COL23A1: variants seen among roughly 807,000 people sequenced by gnomAD.
The protein encoded by COL23A1 is collagen alpha-1(XXIII) chain.
COL23A1 carries 97 observed loss-of-function variants against 99.3 expected under a neutral mutation model. The observed-to-expected ratio is 0.98, with a 90% confidence interval of 0.83 to 1.16. The LOEUF is 1.16. COL23A1 is among the 50% of genes most tolerant of loss of function. The pLI is 0.00. For synonymous variants in COL23A1, 320 were observed against 308.2 expected (o/e 1.04, Z -0.40); for missense variants, 762 against 757.4 (o/e 1.01, Z -0.07).
In COL23A1 at chr5:178,384,413, G is replaced by A. The variant is rs142579510; in HGVS notation, c.362-77494C>T. ...CAGGAAAGCCCGGGGCTGTTCATCC[G>A]GGTAGTAAACCAGGCTTCGGCTTTC... On this transcript the variant is annotated intron_variant, in intron 2 of 28. Transcript: ENST00000390654. The surrounding 1 kb of genome is among the most constrained non-coding windows in gnomAD (Gnocchi z 5.5). 5.9e-3 allele frequency among the ~76,000 whole-genome samples: 899 copies of A among 152,336 alleles called. 7 individuals are homozygous for A. The highest frequency in any genetic ancestry group is 0.02 in the African/African-American group (848 of 41,570).
In COL23A1 at chr5:178,537,740, C is replaced by T. The variant is rs548445651; in HGVS notation, c.361+22942G>A. ...AAGTGGTAAAATATACACGGCATGA[C>T]GTTTACGTGGTGAAACGTGCGCGGC... On this transcript the variant is annotated intron_variant, in intron 2 of 28. Coordinates refer to ENST00000390654, the MANE Select transcript of COL23A1 (RefSeq NM_173465.4). 2.3e-3 allele frequency among the ~76,000 whole-genome samples: 350 copies of T among 152,362 alleles called. 3 individuals carry two copies. Among genetic ancestry groups the T allele is most frequent in the African/African-American group, 8.1e-3 (338 of 41,590 alleles).
chr5:178,459,447 C>G (rs1755994347), intron 2 of COL23A1, among the ~76,000 whole-genome samples: 2 of 152,126 alleles, frequency 1.3e-5, no homozygotes, highest in South Asian at 4.1e-4. Flanking sequence ...TACTTTCGTA[C>G]AGTGTTTGAA....
At chr5:178,566,933 AT>A (rs1178189617) in intron 1 of COL23A1, among the ~76,000 whole-genome samples, 4 of 152,388 alleles carry the variant, frequency 2.6e-5, no homozygotes, top group Non-Finnish European at 2.9e-5. Context: ...CAGGTTAGCA[AT>A]TTTGAAACTA....
rs553038617 is a variant in COL23A1 at position 178,305,969 on chromosome 5, C to T, written c.406+906G>A. On this transcript the variant is annotated intron_variant, in intron 3 of 28. Coordinates refer to ENST00000390654, the MANE Select transcript of COL23A1 (RefSeq NM_173465.4). The stretch of plus-strand genomic sequence containing the variant: ...AGAAAGCTGGGGGAGATGCTGGCTT[C>T]GGCAGGGCAACGTCCAACCTCGGGG... 2.6e-5 allele frequency among the ~76,000 whole-genome samples: 4 copies of T among 152,140 alleles called. No individual in the cohort carries two copies. In the East Asian group the frequency reaches 7.8e-4, roughly 30 times the overall value.
intron 1 of COL23A1, among the ~76,000 whole-genome samples, chr5:178,568,265 C>G (rs904678528): frequency 1.3e-5 from 2 of 151,968 alleles, no homozygotes; most frequent in African/African-American, 4.8e-5. Flanking sequence ...ACAGCACAAT[C>G]AAATGCAACG....
In COL23A1 at chr5:178,248,210, G is replaced by C; in HGVS notation, c.1194C>G (p.Asp398Glu). 6.2e-7 allele frequency: 1 copy of C among 1,609,872 alleles called. No individual in the cohort carries two copies. Among genetic ancestry groups the C allele is most frequent in the Non-Finnish European group, 8.5e-7 (1 of 1,176,410 alleles). Residue 398 changes from aspartate (D) to glutamate (E), a missense_variant, in exon 20 of 29, where the codon GAC becomes GAG. Asp to Glu is a conservative substitution (Grantham distance 45). Transcript: ENST00000390654. ...CCCTTACCAGGCTCTCCTGTAGGCTGTCAGACGCCGACTCCCCCTTCTCCC... is the reference window on the plus strand; with the variant it reads ...CCCTTACCAGGCTCTCCTGTAGGCTCTCAGACGCCGACTCCCCCTTCTCCC... ...LKGEKGESAS[D>E]SLQESLAQLI...
At chr5:178,567,795 GAATA>G (rs1762907724) in intron 1 of COL23A1, among the ~76,000 whole-genome samples, 2 of 152,204 alleles carry the variant, frequency 1.3e-5, no homozygotes, top group South Asian at 4.1e-4. Context: ...ATAACGCAAA[GAATA>G]AATTAAATAT....
intron 2 of COL23A1, among the ~76,000 whole-genome samples, chr5:178,350,361 T>C (rs1761252888): frequency 6.6e-6 from 1 of 152,124 alleles, no homozygotes; most frequent in South Asian, 2.1e-4. Flanking sequence ...GCACAGTGCC[T>C]GGTACACAGC....
intron 2 of COL23A1, among the ~76,000 whole-genome samples, chr5:178,529,858 T>C (rs1006341198): frequency 6.6e-6 from 1 of 152,194 alleles, no homozygotes; most frequent in Non-Finnish European, 1.5e-5. Flanking sequence ...ACTGTGATCA[T>C]AGTGTACCTT....
At chr5:178,534,370 G>A (rs919270615) in intron 2 of COL23A1, among the ~76,000 whole-genome samples, 6 of 152,214 alleles carry the variant, frequency 3.9e-5, no homozygotes, top group South Asian at 4.1e-4. Context: ...CAACACCCCC[G>A]CCTTCACGGT....
rs193232849 is a variant in COL23A1 at position 178,485,364 on chromosome 5, A to T, written c.361+75318T>A. Among the ~76,000 whole-genome samples the T allele has an allele frequency of 1.1e-3, 167 of 152,078 alleles. 2 individuals carry two copies. Among genetic ancestry groups the T allele is most frequent in the African/African-American group, 3.8e-3 (157 of 41,452 alleles). On this transcript the variant is annotated intron_variant, in intron 2 of 28. Coordinates refer to ENST00000390654, the MANE Select transcript of COL23A1 (RefSeq NM_173465.4). ...GTGGTGTGTGCCTGTAGTCCCAGCTACTTGGCAGGCTGAGGTGGGAGGATT... is the reference window on the plus strand; with the variant it reads ...GTGGTGTGTGCCTGTAGTCCCAGCTTCTTGGCAGGCTGAGGTGGGAGGATT...
chr5:178,365,136 CGTGTGT>C lies in COL23A1; in HGVS notation c.362-58223_362-58218del, dbSNP rs55995523. Among the ~76,000 whole-genome samples, 2,521 of 147,450 alleles carry C rather than the reference CGTGTGT, an allele frequency of 0.017. 43 individuals are homozygous for C. The highest frequency in any genetic ancestry group is 0.047 in the African/African-American group (1,879 of 40,146). ...GGGCTTTATGATGTTGCTGTGTGTG[CGTGTGT>C]GTGTGTGTGTGTGTGTGTGTGTGTG... On this transcript the variant is annotated intron_variant, in intron 2 of 28. Transcript: ENST00000390654. This position sits in a 1 kb window ranked among gnomAD's most constrained non-coding sequence, Gnocchi z 5.2.
intron 2 of COL23A1, among the ~76,000 whole-genome samples, chr5:178,494,523 A>G (rs1481395842): frequency 6.6e-6 from 1 of 152,196 alleles, no homozygotes; most frequent in Non-Finnish European, 1.5e-5. Flanking sequence ...CTAAAAATGC[A>G]AAGTAGCCTG....
rs554220978 is a variant in COL23A1 at position 178,507,750 on chromosome 5, A to G, written c.361+52932T>C. Reference sequence around the variant, plus strand: ...TGTTGCTTCTCCCTGGCTGCTTTCAAGTTTGTTTCTTTGTCATCAGATTTC... The same window carrying G: ...TGTTGCTTCTCCCTGGCTGCTTTCAGGTTTGTTTCTTTGTCATCAGATTTC... On this transcript the variant is annotated intron_variant, in intron 2 of 28. Transcript: ENST00000390654. Among the ~76,000 whole-genome samples, 4 of 152,236 alleles carry G rather than the reference A, an allele frequency of 2.6e-5. No individual in the cohort carries two copies. The East Asian group carries it at 7.7e-4, about 29-fold the overall frequency.
intron 12 of COL23A1, among the ~76,000 whole-genome samples, 186 bp downstream of exon 12, chr5:178,259,535 G>C (rs1295871157): frequency 1.3e-5 from 2 of 152,242 alleles, no homozygotes; most frequent in Admixed American, 1.3e-4. Flanking sequence ...GCCTCAGGGA[G>C]AGCGAGGACA....
chr5:178,368,626 A>G (rs7445039), intron 2 of COL23A1, among the ~76,000 whole-genome samples: 26,881 of 152,106 alleles, frequency 0.18, 2,805 homozygotes, highest in East Asian at 0.33. Context: ...TAGTGACTTG[A>G]GCAGGGGAAG....
At chr5:178,346,699 C>T (rs17641413) in intron 2 of COL23A1, among the ~76,000 whole-genome samples, 51,138 of 152,124 alleles carry the variant, frequency 0.34, 9,888 homozygotes, top group Middle Eastern at 0.49. Context: ...TGAAATCACA[C>T]AAGGGCCCTT....
intron 2 of COL23A1, among the ~76,000 whole-genome samples, chr5:178,483,876 C>T (rs867280369): frequency 6.6e-6 from 1 of 152,148 alleles, no homozygotes; most frequent in Non-Finnish European, 1.5e-5. Context: ...CTCAGCAACG[C>T]GCACTTGCTT....
chr5:178,578,691 G>C (rs262049), intron 1 of COL23A1, among the ~76,000 whole-genome samples: 5,952 of 148,980 alleles, frequency 0.04, 412 homozygotes, highest in African/African-American at 0.14. Flanking sequence ...AAATTCCGTG[G>C]CTACATCAGG....
Sources: allele counts gnomAD v4.1 joint callset (sites outside exome capture counted in the v4.1 genomes callset), GRCh38; gene constraint gnomAD v4.1.1; non-coding constraint Gnocchi (gnomAD v3.1); transcripts MANE v1.5; gene names NCBI Gene and HGNC (gene_info 2026-07-23, HGNC 2026-07-21).